The following SERPINI1 variants were observed in gnomAD, a reference collection of about 807,000 sequenced individuals.
SERPINI1 encodes the protein neuroserpin.
In SERPINI1, 19 loss-of-function variants were observed where a neutral mutation model predicts 41.1. That is an observed-to-expected ratio of 0.46 (90% CI 0.32 to 0.68). The LOEUF is 0.68. SERPINI1 is among the 30% of genes least tolerant of loss of function. The pLI is 0.03. For missense variants in SERPINI1, 460 were observed against 479.2 expected (o/e 0.96, Z 0.37); for synonymous variants, 138 against 156.6 (o/e 0.88, Z 0.89).
intron 1 of SERPINI1, among the ~76,000 whole-genome samples, chr3:167,737,549 A>G (rs1483203813): frequency 2.0e-5 from 3 of 152,112 alleles, no homozygotes; most frequent in African/African-American, 4.8e-5. Flanking sequence ...TTTGTGATTA[A>G]GTGGATTGTC....
At chr3:167,748,617 C>T (rs1199629810) in intron 1 of SERPINI1, among the ~76,000 whole-genome samples, 1 of 152,118 alleles carries the variant, frequency 6.6e-6, no homozygotes, top group Non-Finnish European at 1.5e-5. Flanking sequence ...ATGACAACGT[C>T]TCAGAGGTGG....
chr3:167,814,312 C>T (rs1046665591), intron 6 of SERPINI1, among the ~76,000 whole-genome samples: 1 of 149,382 alleles, frequency 6.7e-6, no homozygotes, highest in African/African-American at 2.5e-5. Flanking sequence ...AATGAATGAA[C>T]CAATAAATGA....
intron 1 of SERPINI1, among the ~76,000 whole-genome samples, chr3:167,755,442 A>G (rs534901676): frequency 6.6e-6 from 1 of 152,332 alleles, no homozygotes; most frequent in Admixed American, 6.5e-5. Context: ...TCAAGGAAAT[A>G]GATGATGGTC....
chr3:167,801,985 ATC>A (rs1373485562), intron 5 of SERPINI1, among the ~76,000 whole-genome samples: 3 of 152,166 alleles, frequency 2.0e-5, no homozygotes, highest in Non-Finnish European at 1.5e-5. Context: ...ATCTACAACT[ATC>A]TGATCTTTGA....
intron 4 of SERPINI1, among the ~76,000 whole-genome samples, chr3:167,793,596 A>ATATATATATTTTTTTTTT: frequency 2.8e-5 from 4 of 140,610 alleles, no homozygotes; most frequent in African/African-American, 1.1e-4. Flanking sequence ...ATATATATAT[A>ATATATATATTTTTTTTTT]TTTTTAATTA....
intron 6 of SERPINI1, among the ~76,000 whole-genome samples, chr3:167,817,166 C>T (rs78574519): frequency 0.023 from 3,481 of 152,158 alleles, 112 homozygotes; most frequent in African/African-American, 0.08. Flanking sequence ...GAGCATTTCT[C>T]TACTGCTGAG....
intron 2 of SERPINI1, 99 bp downstream of exon 2, chr3:167,789,477 TA>T: frequency 1.4e-6 from 2 of 1,393,264 alleles, no homozygotes; most frequent in Non-Finnish European, 2.0e-6. Flanking sequence ...TTACACAGGG[TA>T]AAAAACAATC....
chr3:167,763,753 G>A (rs966625205), intron 1 of SERPINI1, among the ~76,000 whole-genome samples: 39 of 152,136 alleles, frequency 2.6e-4, no homozygotes, highest in African/African-American at 9.2e-4. Flanking sequence ...GTTTGGTGAT[G>A]TAACCCCCAA....
chr3:167,743,478 T>C (rs558898713), intron 1 of SERPINI1, among the ~76,000 whole-genome samples: 2 of 152,298 alleles, frequency 1.3e-5, no homozygotes, highest in Non-Finnish European at 2.9e-5. Flanking sequence ...TCAAAGATAC[T>C]GACTTGGCAA....
At chr3:167,772,923 T>G (rs867078253) in intron 1 of SERPINI1, among the ~76,000 whole-genome samples, 1 of 93,926 alleles carries the variant, frequency 1.1e-5, no homozygotes, top group Non-Finnish European at 2.1e-5. Flanking sequence ...CACACACACA[T>G]GCATATATAC....
intron 1 of SERPINI1, among the ~76,000 whole-genome samples, chr3:167,749,355 T>TTTTTTTTTTTTTG (rs1725968249): frequency 6.6e-6 from 1 of 152,224 alleles, no homozygotes; most frequent in African/African-American, 2.4e-5. Flanking sequence ...CTATGCTTTT[T>TTTTTTTTTTTTTG]ACCATCATTA....
intron 1 of SERPINI1, among the ~76,000 whole-genome samples, chr3:167,773,181 A>G (rs1001549006): frequency 3.3e-5 from 5 of 151,872 alleles, no homozygotes; most frequent in African/African-American, 4.8e-5. Context: ...AGTGAATGCT[A>G]TTGCTCACAA....
At chr3:167,815,389 CT>C (rs1305439315) in intron 6 of SERPINI1, among the ~76,000 whole-genome samples, 12 of 147,004 alleles carry the variant, frequency 8.2e-5, no homozygotes, top group East Asian at 2.0e-4. Flanking sequence ...CTTTTTTTTT[CT>C]TTTTTTTTCT....
At chr3:167,816,356 A>G (rs1421836939) in intron 6 of SERPINI1, among the ~76,000 whole-genome samples, 1 of 152,230 alleles carries the variant, frequency 6.6e-6, no homozygotes, top group African/African-American at 2.4e-5. Flanking sequence ...TATTACAAGA[A>G]TAAACTTTAT....
chr3:167,793,596 A>ATATATATATATTTTTTTT, intron 4 of SERPINI1, among the ~76,000 whole-genome samples: 13 of 140,620 alleles, frequency 9.2e-5, no homozygotes, highest in African/African-American at 2.7e-4. Context: ...ATATATATAT[A>ATATATATATATTTTTTTT]TTTTTAATTA....
Position 167,772,889 on chromosome 3 carries a change from T to TATATATATATATAC in SERPINI1, c.-18-16217_-18-16216insTATATATACATATA, listed in dbSNP as rs1470005015. 1.2e-4 allele frequency among the ~76,000 whole-genome samples: 9 copies of TATATATATATATAC among 77,132 alleles called. No individual in the cohort carries two copies. In the East Asian group the frequency reaches 3.0e-3, roughly 25 times the overall value. The allele number at this position is 77,132 out of a possible 152,430, so 50.6% of individuals were successfully genotyped here. On this transcript the variant is annotated intron_variant, in intron 1 of 8. Coordinates refer to ENST00000446050, the MANE Select transcript of SERPINI1 (RefSeq NM_001122752.2). ...CTATATATATATATATATATATATATATATACACACACACACACACACACA... is the reference window on the plus strand; with the variant it reads ...CTATATATATATATATATATATATATATATATATATATACATATACACACACACACACACACACA...
chr3:167,784,580 A>G (rs928953734), intron 1 of SERPINI1, among the ~76,000 whole-genome samples: 5 of 152,214 alleles, frequency 3.3e-5, no homozygotes, highest in Admixed American at 3.3e-4. Flanking sequence ...ACTTACAATC[A>G]TGGTGGAAGG....
At chr3:167,785,667 C>T (rs1240290614) in intron 1 of SERPINI1, among the ~76,000 whole-genome samples, 2 of 152,060 alleles carry the variant, frequency 1.3e-5, no homozygotes, top group Non-Finnish European at 2.9e-5. Context: ...AAAATGTTAA[C>T]TATTATTATT....
Position 167,807,356 on chromosome 3 carries a change from CA to C in SERPINI1, c.979+18del, listed in dbSNP as rs1451052361. On this transcript the variant is annotated intron_variant, in intron 6 of 8. Coordinates refer to ENST00000446050, the MANE Select transcript of SERPINI1 (RefSeq NM_001122752.2). Reference sequence around the variant, plus strand: ...AGGCCTCTCTGGTAAGAAATAAACACAAATTTTTAAAAATGTTATTCCATAA... The same window carrying C: ...AGGCCTCTCTGGTAAGAAATAAACACAATTTTTAAAAATGTTATTCCATAA... 6.8e-7 allele frequency: 1 copy of C among 1,480,324 alleles called. No homozygotes were observed. Among genetic ancestry groups the C allele is most frequent in the South Asian group, 1.1e-5 (1 of 87,802 alleles). 91.7% of individuals were successfully genotyped at this position (1,480,324 alleles called of 1,614,324 possible).
Sources: gnomAD v4.1 joint callset for allele counts (sites outside exome capture counted in the v4.1 genomes callset) on GRCh38, gnomAD v4.1.1 for gene constraint, MANE v1.5 for transcripts, NCBI Gene and HGNC (gene_info 2026-07-23, HGNC 2026-07-21) for gene names.